The following RGS8 variants were observed in gnomAD, a reference collection of about 807,000 sequenced individuals.
The protein encoded by RGS8 is regulator of G-protein signaling 8.
A neutral mutation model predicts 21.7 loss-of-function variants in RGS8; 8 were observed. The observed-to-expected ratio is 0.37, with a 90% CI of 0.22 to 0.66. The LOEUF (loss-of-function observed/expected upper bound fraction) is 0.66. RGS8 is among the 30% of genes least tolerant of loss of function. The pLI is 0.59. For synonymous variants in RGS8, 80 were observed against 83.6 expected, an observed-to-expected ratio of 0.96 and a Z score of 0.24; for missense variants, 157 against 217.9, an observed-to-expected ratio of 0.72 and a Z score of 1.76.
chr1:182,751,462 G>A, the RGS8 span, among the ~76,000 whole-genome samples: 1 of 152,128 alleles, frequency 6.6e-6, no homozygotes, highest in East Asian at 1.9e-4. Context: ...CTGCACGCGT[G>A]CCTACGTACA....
chr1:182,672,353 A>AT (rs1664211148), upstream of RGS8: 5 of 208,658 alleles, frequency 2.4e-5, no homozygotes, highest in South Asian at 4.7e-4. Flanking sequence ...ATGTGATGTG[A>AT]TAAATGCAGA....
chr1:182,741,963 G>A, the RGS8 span, among the ~76,000 whole-genome samples: 6 of 147,264 alleles, frequency 4.1e-5, no homozygotes, highest in Non-Finnish European at 7.6e-5. Context: ...CTGCTGGGCG[G>A]AGGGGCTCCT....
chr1:182,702,610 TAAAC>T, the RGS8 span, among the ~76,000 whole-genome samples: 2 of 152,220 alleles, frequency 1.3e-5, no homozygotes, highest in African/African-American at 4.8e-5. Flanking sequence ...GGTTAAATAA[TAAAC>T]TAATAAGGCT....
chr1:182,738,880 T>C, the RGS8 span, among the ~76,000 whole-genome samples: 1 of 152,158 alleles, frequency 6.6e-6, no homozygotes, highest in African/African-American at 2.4e-5. Context: ...GGAGGCAGTT[T>C]CAGAAACATC....
At chr1:182,738,648 T>C in the RGS8 span, among the ~76,000 whole-genome samples, 1 of 152,172 alleles carries the variant, frequency 6.6e-6, no homozygotes, top group Non-Finnish European at 1.5e-5. Context: ...ATATGAAGTA[T>C]GGAGTCAGAA....
At chr1:182,646,665 A>C in exon 7 of RGS8, 1 of 1,423,032 alleles carries the variant, frequency 7.0e-7, no homozygotes, top group Non-Finnish European at 9.7e-7. Context: ...ATGACATTTC[A>C]CATTAGAATA....
chr1:182,713,562 C>G, the RGS8 span, among the ~76,000 whole-genome samples: 1 of 152,154 alleles, frequency 6.6e-6, no homozygotes, highest in Non-Finnish European at 1.5e-5. Context: ...AATCACCTTA[C>G]CCCCACTGAC....
chr1:182,699,241 C>T, the RGS8 span, among the ~76,000 whole-genome samples: 1 of 152,162 alleles, frequency 6.6e-6, no homozygotes, highest in South Asian at 2.1e-4. Context: ...TTTATTTATT[C>T]CATTTGGGAT....
the RGS8 span, among the ~76,000 whole-genome samples, chr1:182,716,479 T>C: frequency 0.02 from 3,000 of 152,052 alleles, 94 homozygotes; most frequent in African/African-American, 0.067. Flanking sequence ...TTATTGTTTT[T>C]TTTTTCTGAA....
the RGS8 span, among the ~76,000 whole-genome samples, chr1:182,721,044 T>TACAC: frequency 2.0e-5 from 1 of 48,942 alleles, no homozygotes; most frequent in Admixed American, 1.9e-4. Context: ...TATATACATA[T>TACAC]ACATACATAT....
chr1:182,742,931 T>C, the RGS8 span, among the ~76,000 whole-genome samples: 19 of 152,220 alleles, frequency 1.2e-4, no homozygotes, highest in African/African-American at 4.1e-4. Flanking sequence ...TAAAGTCGCT[T>C]AATGGAATAT....
At chr1:182,654,506 C>T (rs190138243) in intron 5 of RGS8, among the ~76,000 whole-genome samples, 244 of 152,306 alleles carry the variant, frequency 1.6e-3, no homozygotes, top group African/African-American at 5.5e-3. Context: ...CACCCACGTG[C>T]TAGGTTTTGG....
chr1:182,688,669 G>T (rs77623904), upstream of RGS8, among the ~76,000 whole-genome samples: 4,988 of 152,294 alleles, frequency 0.033, 118 homozygotes, highest in Non-Finnish European at 0.044. Flanking sequence ...GAGTGAGTCA[G>T]AGATAAAGCC....
At chr1:182,656,033 G>A (rs1299013635) in intron 5 of RGS8, among the ~76,000 whole-genome samples, 1 of 152,178 alleles carries the variant, frequency 6.6e-6, no homozygotes, top group Non-Finnish European at 1.5e-5. Context: ...TTACTGAATT[G>A]GGCTGTTATA....
At chr1:182,714,954 G>A in the RGS8 span, among the ~76,000 whole-genome samples, 2 of 152,222 alleles carry the variant, frequency 1.3e-5, no homozygotes, top group South Asian at 2.1e-4. Context: ...TTACCCCTAC[G>A]CCATCAATAC....
intron 1 of RGS8, among the ~76,000 whole-genome samples, chr1:182,680,092 T>C (rs538260974): frequency 2.0e-5 from 3 of 152,248 alleles, no homozygotes; most frequent in African/African-American, 4.8e-5. Context: ...GTCCTCACAG[T>C]CTCTGGTCCC....
At chr1:182,743,770 A>G in the RGS8 span, among the ~76,000 whole-genome samples, 1 of 152,164 alleles carries the variant, frequency 6.6e-6, no homozygotes, top group Non-Finnish European at 1.5e-5. Flanking sequence ...ACCATATCTA[A>G]AATAGAAAAC....
At chr1:182,720,983 A>G in the RGS8 span, among the ~76,000 whole-genome samples, 57 of 59,392 alleles carry the variant, frequency 9.6e-4, 1 homozygote, top group South Asian at 0.029. Flanking sequence ...ATACATATAT[A>G]CACATATATA....
chr1:182,702,594 T>A, the RGS8 span, among the ~76,000 whole-genome samples: 7 of 152,322 alleles, frequency 4.6e-5, no homozygotes, highest in South Asian at 1.2e-3. Flanking sequence ...GGCAAAGGGA[T>A]CAGTCGGTTA....
Sources: allele counts gnomAD v4.1 joint callset (sites outside exome capture counted in the v4.1 genomes callset), GRCh38; gene constraint gnomAD v4.1.1; transcripts MANE v1.5; gene names NCBI Gene and HGNC (gene_info 2026-07-23, HGNC 2026-07-21).